ORC3: variants seen among roughly 807,000 people sequenced by gnomAD.
ORC3 encodes homolog of latheo, Drosophila.
ORC3 carries 78 observed loss-of-function variants against 100.7 expected under a neutral mutation model. The ratio of observed to expected loss-of-function variants is 0.77; its 90% CI spans 0.65 to 0.94. ORC3 has a LOEUF of 0.94. Ranked by LOEUF, ORC3 falls within the 40% of genes least tolerant of loss-of-function variation. The pLI is 0.00. For synonymous variants in ORC3, 295 were observed against 289.3 expected, an observed-to-expected ratio of 1.02 and a Z score of -0.20; for missense variants, 789 against 823.9, an observed-to-expected ratio of 0.96 and a Z score of 0.52.
intron 13 of ORC3, among the ~76,000 whole-genome samples, chr6:87,645,288 T>C (rs1323301780): frequency 6.6e-6 from 1 of 152,106 alleles, no homozygotes; most frequent in Non-Finnish European, 1.5e-5. Flanking sequence ...GAGGAACCAG[T>C]AGACTGGACA....
intron 11 of ORC3, among the ~76,000 whole-genome samples, chr6:87,625,707 T>G (rs554195434): frequency 6.6e-6 from 1 of 152,354 alleles, no homozygotes; most frequent in African/African-American, 2.4e-5. Context: ...TTAGATCCCA[T>G]TTGTCAATTT....
At chr6:87,637,050 G>A (rs970489239) in intron 13 of ORC3, among the ~76,000 whole-genome samples, 3 of 151,956 alleles carry the variant, frequency 2.0e-5, no homozygotes, top group East Asian at 1.9e-4. Context: ...ATATTCCTTG[G>A]TTTCACTTCT....
intron 2 of ORC3, among the ~76,000 whole-genome samples, chr6:87,598,204 T>C (rs1777610226): frequency 6.6e-6 from 1 of 151,796 alleles, no homozygotes; most frequent in Non-Finnish European, 1.5e-5. Flanking sequence ...TTTATTTTTT[T>C]TTTAAGGTGA....
intron 16 of ORC3, among the ~76,000 whole-genome samples, chr6:87,660,148 C>T (rs557681437): frequency 6.6e-6 from 1 of 152,286 alleles, no homozygotes; most frequent in African/African-American, 2.4e-5. Flanking sequence ...TCACATCAGC[C>T]GTTTCCCTGT....
intron 5 of ORC3, among the ~76,000 whole-genome samples, chr6:87,607,087 A>G (rs575486066): frequency 7.2e-5 from 11 of 152,212 alleles, no homozygotes; most frequent in African/African-American, 2.4e-4. Flanking sequence ...CCTAAAATTT[A>G]TAGTTTGCAT....
chr6:87,612,948 G>A (rs1175422054), intron 8 of ORC3, among the ~76,000 whole-genome samples: 1 of 152,206 alleles, frequency 6.6e-6, no homozygotes, highest in Non-Finnish European at 1.5e-5. Context: ...GAAGTTTTTA[G>A]TGGACTGTTT....
chr6:87,639,603 A>G (rs902779426), intron 13 of ORC3, among the ~76,000 whole-genome samples: 2 of 152,070 alleles, frequency 1.3e-5, no homozygotes, highest in African/African-American at 4.8e-5. Context: ...GGGGAGTGGG[A>G]CAAGGTGTGG....
intron 1 of ORC3, among the ~76,000 whole-genome samples, chr6:87,592,836 C>A (rs921812191): frequency 6.6e-6 from 1 of 151,500 alleles, no homozygotes; most frequent in Non-Finnish European, 1.5e-5. Context: ...GCTCATGCCT[C>A]TAATCCCAGC....
intron 10 of ORC3, 59 bp downstream of exon 10, chr6:87,621,546 G>T (rs1232113333): frequency 7.1e-6 from 8 of 1,124,506 alleles, no homozygotes; most frequent in Non-Finnish European, 9.7e-6. Flanking sequence ...CTAAATAAGA[G>T]ATCTCAGATC....
At chr6:87,606,329 G>A (rs908225592) in intron 5 of ORC3, among the ~76,000 whole-genome samples, 1 of 152,158 alleles carries the variant, frequency 6.6e-6, no homozygotes, top group Non-Finnish European at 1.5e-5. Context: ...ACTTAGGACA[G>A]AAAGCTGAGA....
intron 13 of ORC3, among the ~76,000 whole-genome samples, chr6:87,638,600 G>T (rs1767996059): frequency 6.6e-6 from 1 of 152,080 alleles, no homozygotes; most frequent in South Asian, 2.1e-4. Flanking sequence ...CTGAAAATCT[G>T]AAATTCAAAG....
intron 14 of ORC3, among the ~76,000 whole-genome samples, chr6:87,654,091 A>G (rs767191292): frequency 3.9e-5 from 6 of 152,268 alleles, no homozygotes; most frequent in Non-Finnish European, 7.4e-5. Context: ...TAGTTTTTTC[A>G]TATATAATCA....
chr6:87,639,031 A>G (rs1257520084), intron 13 of ORC3, among the ~76,000 whole-genome samples: 3 of 152,186 alleles, frequency 2.0e-5, no homozygotes, highest in Non-Finnish European at 2.9e-5. Context: ...AAATTATTCT[A>G]TGAAATTACT....
chr6:87,625,824 T>C (rs774080526), intron 11 of ORC3, among the ~76,000 whole-genome samples: 4 of 152,226 alleles, frequency 2.6e-5, no homozygotes, highest in Non-Finnish European at 5.9e-5. Context: ...GTTTTAGGTC[T>C]TACATTTAAG....
intron 9 of ORC3, among the ~76,000 whole-genome samples, chr6:87,617,320 T>C (rs1448559850): frequency 6.6e-6 from 1 of 152,192 alleles, no homozygotes; most frequent in South Asian, 2.1e-4. Context: ...TCATGATATA[T>C]GCTGTAACCT....
At chr6:87,671,502 A>C (rs1770830832), downstream of ORC3, among the ~76,000 whole-genome samples, 1 of 151,958 alleles carries the variant, frequency 6.6e-6, no homozygotes, top group Middle Eastern at 3.2e-3. Context: ...TCACATGAAG[A>C]CGTTAATATA....
At chr6:87,674,067 G>A in the ORC3 span, among the ~76,000 whole-genome samples, 64 of 152,160 alleles carry the variant, frequency 4.2e-4, no homozygotes, top group East Asian at 0.011. Flanking sequence ...TTGGAAGGCC[G>A]AGGTGGGCAG....
At chr6:87,634,298 C>G (rs1767649449) in intron 11 of ORC3, among the ~76,000 whole-genome samples, 1 of 151,962 alleles carries the variant, frequency 6.6e-6, no homozygotes, top group South Asian at 2.1e-4. Flanking sequence ...CAGCAAGAGG[C>G]AGGGACTCAT....
intron 7 of ORC3, 112 bp from the exon 8 acceptor site, chr6:87,611,977 C>T (rs2128254863): frequency 2.1e-6 from 2 of 941,326 alleles, no homozygotes; most frequent in South Asian, 3.4e-5. Context: ...TAATCCTTAA[C>T]AGTGTCTTAT....
Sources: allele counts gnomAD v4.1 joint callset (sites outside exome capture counted in the v4.1 genomes callset), GRCh38; gene constraint gnomAD v4.1.1; transcripts MANE v1.5; gene names NCBI Gene and HGNC (gene_info 2026-07-23, HGNC 2026-07-21).